Variants in GRAMD4 observed in about 807,000 individuals in gnomAD.
GRAMD4 encodes the protein GRAM domain containing 4, also known as GRAM domain-containing protein 4.
Under a neutral mutation model 83.9 loss-of-function variants are expected in GRAMD4, and 25 were observed. That is an observed-to-expected ratio of 0.30 (90% CI 0.22 to 0.42). The LOEUF is 0.42. Ranked by LOEUF, GRAMD4 falls within the 10% of genes least tolerant of loss-of-function variation. GRAMD4 has a pLI of 1.00. For missense variants in GRAMD4, 593 were observed against 788.7 expected, an observed-to-expected ratio of 0.75 and a Z score of 2.97; for synonymous variants, 336 against 320.9, an observed-to-expected ratio of 1.05 and a Z score of -0.50.
intron 3 of GRAMD4, among the ~76,000 whole-genome samples, chr22:46,645,217 A>G (rs1297016590): frequency 6.6e-6 from 1 of 151,986 alleles, no homozygotes; most frequent in Admixed American, 6.6e-5. Context: ...GGAGGGATTA[A>G]TTGCAGATTA....
intron 1 of GRAMD4, among the ~76,000 whole-genome samples, chr22:46,624,349 T>TCC (rs1555960883): frequency 7.7e-6 from 1 of 130,162 alleles, no homozygotes; most frequent in Non-Finnish European, 1.6e-5. Flanking sequence ...TTTTTTTTTT[T>TCC]CTGAGACGGA....
chr22:46,675,960 CG>C (rs1427775427), intron 17 of GRAMD4, among the ~76,000 whole-genome samples: 4 of 152,214 alleles, frequency 2.6e-5, no homozygotes, highest in Non-Finnish European at 5.9e-5. Context: ...AGCATTTTAC[CG>C]TAGCATGGAA....
intron 1 of GRAMD4, among the ~76,000 whole-genome samples, chr22:46,588,339 C>T (rs1236755417): frequency 4.6e-5 from 7 of 152,200 alleles, no homozygotes; most frequent in African/African-American, 7.2e-5. Flanking sequence ...TCTGGCTGTC[C>T]GTCTTCCATC....
chr22:46,663,544 G>A (rs1006038638), intron 6 of GRAMD4, among the ~76,000 whole-genome samples: 10 of 152,230 alleles, frequency 6.6e-5, no homozygotes, highest in Non-Finnish European at 1.5e-4. Flanking sequence ...AGCTAGGTCA[G>A]CAAAGGCCCT....
chr22:46,639,150 G>A (rs1387755878), intron 3 of GRAMD4, among the ~76,000 whole-genome samples: 1 of 108,496 alleles, frequency 9.2e-6, no homozygotes, highest in Non-Finnish European at 1.9e-5. Context: ...CGGTGTGTGC[G>A]TGAGTGTGTG....
chr22:46,596,210 C>T (rs562497775), intron 1 of GRAMD4, among the ~76,000 whole-genome samples: 3 of 152,348 alleles, frequency 2.0e-5, no homozygotes, highest in East Asian at 3.9e-4. Flanking sequence ...CCCTGCTTCC[C>T]GTGGATAGGG....
chr22:46,672,485 A>T lies in GRAMD4; in HGVS notation c.1085-358A>T, dbSNP rs2082524561. Among the ~76,000 whole-genome samples, 1 of 151,504 alleles carries T rather than the reference A, an allele frequency of 6.6e-6. No homozygotes were observed. The highest frequency in any genetic ancestry group is 1.9e-4 in the East Asian group (1 of 5,134). On this transcript the variant is annotated intron_variant, in intron 13 of 18. Coordinates refer to ENST00000406902, the MANE Select transcript of GRAMD4 (RefSeq NM_015124.5). This position sits in a 1 kb window ranked among gnomAD's most constrained non-coding sequence, Gnocchi z 4.7. ...TGGGGAATTGGGGCAGAGGAGGCAC[A>T]GTCCTGAAGTGTTTCAGGTGGGTCA...
At position 46,674,713 on chromosome 22, in the gene GRAMD4, G is replaced by T. The variant is rs372441521; in HGVS notation, c.1441G>T (p.Asp481Tyr). Residue 481 changes from aspartate (D) to tyrosine (Y), a missense_variant, in exon 16 of 19, where the codon GAC becomes TAC. By Grantham distance (160) the Asp-to-Tyr change is radical. Transcript: ENST00000406902. ...LINRDRKMPT[D>Y]YIRNGVLYVT... ...CAACAGGGACCGGAAGATGCCCACG[G>T]ACTACATCAGGAACGGGGTGCTCTA... 4 of 1,612,928 alleles carry T rather than the reference G, an allele frequency of 2.5e-6. No individual in the cohort carries two copies. Among genetic ancestry groups the T allele is most frequent in the Non-Finnish European group, 3.4e-6 (4 of 1,179,536 alleles).
At chr22:46,625,603 C>T (rs1008721381) in intron 1 of GRAMD4, among the ~76,000 whole-genome samples, 3 of 152,282 alleles carry the variant, frequency 2.0e-5, no homozygotes, top group Non-Finnish European at 4.4e-5. Context: ...AGTGGCAGGA[C>T]AGGCTTTCAG....
chr22:46,610,115 G>A lies in GRAMD4; in HGVS notation c.-49-16636G>A, dbSNP rs180976006. Reference sequence around the variant, plus strand: ...TTCTGCCCCCAGGAACTTGGAGACCGTCCAGGCTGCCCCAGCCTGGCCAGG... The same window carrying A: ...TTCTGCCCCCAGGAACTTGGAGACCATCCAGGCTGCCCCAGCCTGGCCAGG... On this transcript the variant is annotated intron_variant, in intron 1 of 1. Coordinates refer to the GRAMD4 transcript ENST00000431155. Among the ~76,000 whole-genome samples, 417 of 152,292 alleles carry A rather than the reference G, an allele frequency of 2.7e-3. 3 individuals carry two copies. The highest frequency in any genetic ancestry group is 9.8e-3 in the African/African-American group (408 of 41,558).
chr22:46,678,670 C>G lies in GRAMD4; in HGVS notation c.*1419C>G. 5 of 985,572 alleles carry G rather than the reference C, an allele frequency of 5.1e-6. No homozygotes were observed. The highest frequency in any genetic ancestry group is 6.0e-6 in the Non-Finnish European group (5 of 829,860). The allele number at this position is 985,572 out of a possible 1,614,324, so 61.1% of individuals were successfully genotyped here. A position where few individuals can be genotyped will look rare whatever the true frequency, so the allele number is the denominator to read the frequency against. On this transcript the variant is annotated 3_prime_UTR_variant, in exon 19 of 19. Transcript: ENST00000406902. ...AAACAGAAGATTCTATTTTTTACAG[C>G]GAGCAAGCTGGTTTTCTTATTTTTG... is the stretch of plus-strand genomic sequence containing the variant.
rs1276042955 is a variant in GRAMD4 at position 46,672,568 on chromosome 22, G to T, written c.1085-275G>T. Among the ~76,000 whole-genome samples the T allele has an allele frequency of 6.6e-6, 1 of 151,936 alleles. No individual in the cohort carries two copies. The highest frequency in any genetic ancestry group is 1.5e-5 in the Non-Finnish European group (1 of 67,972). ...AGAAGTGAGGGGCATTGGATGGGGG[G>T]GTCCTAGCAGAGCTGAGGGGTCTTA... is the stretch of plus-strand genomic sequence containing the variant. On this transcript the variant is annotated intron_variant, in intron 13 of 18. Transcript: ENST00000406902. This position sits in a 1 kb window ranked among gnomAD's most constrained non-coding sequence, Gnocchi z 4.7.
chr22:46,629,890 C>T (rs893672260), intron 2 of GRAMD4, among the ~76,000 whole-genome samples: 1 of 152,244 alleles, frequency 6.6e-6, no homozygotes, highest in African/African-American at 2.4e-5. Context: ...TCTCATATAA[C>T]ATGAGGCCTC....
chr22:46,632,595 C>T (rs1257465784), intron 2 of GRAMD4, among the ~76,000 whole-genome samples: 3 of 152,172 alleles, frequency 2.0e-5, no homozygotes, highest in African/African-American at 7.2e-5. Flanking sequence ...GAGGGACCCA[C>T]AGGGCTTGCA....
chr22:46,661,472 G>GCCACCCACCCGCCCGCCT, intron 5 of GRAMD4, 30 bp downstream of exon 5: 2 of 1,536,216 alleles, frequency 1.3e-6, no homozygotes, highest in Non-Finnish European at 1.8e-6. Context: ...TGGACAGGCA[G>GCCACCCACCCGCCCGCCT]GCGGGCGGGT....
intron 1 of GRAMD4, among the ~76,000 whole-genome samples, chr22:46,614,351 G>C (rs929088300): frequency 6.6e-6 from 1 of 152,260 alleles, no homozygotes; most frequent in African/African-American, 2.4e-5. Flanking sequence ...TGAGGAAAGT[G>C]TTAACGTGCA....
chr22:46,680,576 A>G (rs1454043940), downstream of GRAMD4, among the ~76,000 whole-genome samples: 434 of 137,424 alleles, frequency 3.2e-3, 9 homozygotes, highest in African/African-American at 5.4e-3. Flanking sequence ...CCATCCATCC[A>G]TCCATCCATC....
chr22:46,663,816 C>T lies in GRAMD4; in HGVS notation c.600-22C>T, dbSNP rs755618850. ...GGCGGGTGCATTAACCCTGGGCTCC[C>T]ATCTCTCCCCTTCTCTCTTAGGTTA... On this transcript the variant is annotated intron_variant, in intron 6 of 18. Transcript: ENST00000406902. 15 of 1,612,470 alleles carry T rather than the reference C, an allele frequency of 9.3e-6. 1 individual carries two copies. The Admixed American group carries it at 2.0e-4, about 22-fold the overall frequency.
intron 2 of GRAMD4, among the ~76,000 whole-genome samples, chr22:46,633,957 AC>A (rs1767074731): frequency 6.6e-6 from 1 of 152,288 alleles, no homozygotes; most frequent in African/African-American, 2.4e-5. Flanking sequence ...CCATCATCCT[AC>A]GTGGACCACG....
Sources: allele counts gnomAD v4.1 joint callset (sites outside exome capture counted in the v4.1 genomes callset), GRCh38; gene constraint gnomAD v4.1.1; non-coding constraint Gnocchi (gnomAD v3.1); transcripts MANE v1.5; gene names NCBI Gene and HGNC (gene_info 2026-07-23, HGNC 2026-07-21).